The following LARP4B variants were observed in gnomAD, a reference collection of about 807,000 sequenced individuals.
The protein encoded by LARP4B is la-related protein 4B.
A neutral mutation model predicts 89.8 loss-of-function variants in LARP4B; 12 were observed. The ratio of observed to expected loss-of-function variants is 0.13; its 90% CI spans 0.09 to 0.22. The LOEUF (loss-of-function observed/expected upper bound fraction) is 0.22. LARP4B is among the 10% of genes least tolerant of loss of function. LARP4B has a pLI of 1.00. For missense variants in LARP4B, 757 were observed against 947.7 expected (o/e 0.80, Z 2.64); for synonymous variants, 367 against 363.3 (o/e 1.01, Z -0.12).
intron 6 of LARP4B, 96 bp downstream of exon 6, chr10:844,881 A>T: frequency 1.2e-6 from 1 of 835,008 alleles, no homozygotes; most frequent in Non-Finnish European, 1.9e-6. Context: ...GGATATGAGT[A>T]GATACTCCTT....
At chr10:884,157 C>T (rs1835782198) in intron 3 of LARP4B, among the ~76,000 whole-genome samples, 1 of 152,118 alleles carries the variant, frequency 6.6e-6, no homozygotes, top group African/African-American at 2.4e-5. Context: ...AACAGATTAT[C>T]AATGATACAA....
chr10:983,796 G>A, the LARP4B span, among the ~76,000 whole-genome samples: 2 of 152,198 alleles, frequency 1.3e-5, no homozygotes, highest in South Asian at 4.1e-4. Flanking sequence ...GAGCATCAGA[G>A]AGAAATAACT....
At chr10:852,064 GCAA>G (rs1394076015) in intron 5 of LARP4B, among the ~76,000 whole-genome samples, 19 of 151,974 alleles carry the variant, frequency 1.3e-4, no homozygotes, top group East Asian at 3.9e-4. Context: ...GACTCTGTGA[GCAA>G]CTAAACTAAG....
At chr10:851,787 G>T (rs1474242319) in intron 5 of LARP4B, among the ~76,000 whole-genome samples, 2 of 151,906 alleles carry the variant, frequency 1.3e-5, no homozygotes, top group Non-Finnish European at 2.9e-5. Context: ...TGCCCAGGTG[G>T]GACGCAGTGG....
intron 5 of LARP4B, among the ~76,000 whole-genome samples, chr10:859,020 C>G (rs1834449665): frequency 6.6e-6 from 1 of 152,172 alleles, no homozygotes; most frequent in African/African-American, 2.4e-5. Flanking sequence ...GGTGTGGTGG[C>G]TCACGCCTGT....
At chr10:965,197 G>A in the LARP4B span, among the ~76,000 whole-genome samples, 44 of 152,364 alleles carry the variant, frequency 2.9e-4, 1 homozygote, top group African/African-American at 9.9e-4. Context: ...CCTGCTGGGA[G>A]TGCCCGTGGG....
chr10:924,214 C>A (rs961690087), intron 1 of LARP4B, among the ~76,000 whole-genome samples: 1 of 152,080 alleles, frequency 6.6e-6, no homozygotes, highest in Non-Finnish European at 1.5e-5. Context: ...GGACTCCAGC[C>A]TGGGTGACAC....
chr10:925,482 C>A (rs982045284), intron 1 of LARP4B, among the ~76,000 whole-genome samples: 3 of 152,088 alleles, frequency 2.0e-5, no homozygotes, highest in South Asian at 4.1e-4. Flanking sequence ...TATTTTAAAG[C>A]AAAATAAAGG....
the LARP4B span, chr10:942,050 T>C: frequency 3.3e-5 from 5 of 152,248 alleles, no homozygotes; most frequent in Non-Finnish European, 7.3e-5. Context: ...TCAGAAACAT[T>C]CTAATCACAT....
chr10:951,781 T>C, the LARP4B span, among the ~76,000 whole-genome samples: 7 of 134,284 alleles, frequency 5.2e-5, no homozygotes, highest in Non-Finnish European at 8.3e-5. Context: ...CAGACAACCT[T>C]TAAAACGAAG....
the LARP4B span, among the ~76,000 whole-genome samples, chr10:945,650 T>C: frequency 6.7e-6 from 1 of 149,202 alleles, no homozygotes; most frequent in Non-Finnish European, 1.5e-5. Flanking sequence ...ATCACGCCAC[T>C]GCACTCCAGC....
chr10:864,804 T>C (rs977315543), intron 3 of LARP4B, among the ~76,000 whole-genome samples: 4 of 152,060 alleles, frequency 2.6e-5, no homozygotes, highest in Admixed American at 1.3e-4. Flanking sequence ...AAATACAAAA[T>C]TAGCCGGGCG....
intron 1 of LARP4B, among the ~76,000 whole-genome samples, chr10:926,588 A>C (rs1249023130): frequency 6.6e-6 from 1 of 152,256 alleles, no homozygotes; most frequent in Non-Finnish European, 1.5e-5. Flanking sequence ...CTCTGGCTAC[A>C]GTGCGACTAA....
rs115525823 is a variant in LARP4B at position 875,273 on chromosome 10, C to G, written c.141+9174G>C. ...TATTTAACCTCTTTGTCTCAGTTTTCTCATTTGTAAAATGGAGCCAACACC... is the reference window on the plus strand; with the variant it reads ...TATTTAACCTCTTTGTCTCAGTTTTGTCATTTGTAAAATGGAGCCAACACC... On this transcript the variant is annotated intron_variant, in intron 3 of 17. Coordinates refer to ENST00000316157, the MANE Select transcript of LARP4B (RefSeq NM_015155.3). Among the ~76,000 whole-genome samples the G allele has an allele frequency of 2.7e-3, 413 of 152,294 alleles. 2 individuals carry two copies. The highest frequency in any genetic ancestry group is 9.5e-3 in the African/African-American group (394 of 41,566).
intron 8 of LARP4B, among the ~76,000 whole-genome samples, chr10:833,682 A>T (rs1833048348): frequency 6.6e-6 from 1 of 152,092 alleles, no homozygotes; most frequent in Non-Finnish European, 1.5e-5. Flanking sequence ...ACGAGGTCAA[A>T]AGATCAAGAC....
chr10:902,383 T>C (rs1408687292), intron 1 of LARP4B, among the ~76,000 whole-genome samples: 2 of 152,220 alleles, frequency 1.3e-5, no homozygotes, highest in East Asian at 1.9e-4. Flanking sequence ...GTGCTACACC[T>C]TTCCCAGTAA....
chr10:970,247 G>T, the LARP4B span, among the ~76,000 whole-genome samples: 1 of 152,222 alleles, frequency 6.6e-6, no homozygotes, highest in African/African-American at 2.4e-5. Context: ...GGTTCTGGAA[G>T]GAAGGTTTAG....
intron 1 of LARP4B, among the ~76,000 whole-genome samples, chr10:920,928 T>C (rs1836961027): frequency 6.6e-6 from 1 of 152,210 alleles, no homozygotes. Flanking sequence ...TTCGTAAATA[T>C]ATGCTTTACA....
At chr10:820,909 C>A (rs143926347) in intron 13 of LARP4B, 64 bp from the exon 14 acceptor site, 1 of 1,391,132 alleles carries the variant, frequency 7.2e-7, no homozygotes, top group Non-Finnish European at 1.0e-6. Flanking sequence ...TTATTGAGCA[C>A]GTTTGCACTC....
Sources: allele counts gnomAD v4.1 joint callset (sites outside exome capture counted in the v4.1 genomes callset), GRCh38; gene constraint gnomAD v4.1.1; transcripts MANE v1.5; gene names NCBI Gene and HGNC (gene_info 2026-07-23, HGNC 2026-07-21).